The following GXYLT1 variants were observed in gnomAD, a reference collection of about 807,000 sequenced individuals.
GXYLT1 encodes the protein glycosyltransferase 8 domain containing 3.
Under a neutral mutation model 54.0 loss-of-function variants are expected in GXYLT1, and 29 were observed. That is an observed-to-expected ratio of 0.54 (90% CI 0.40 to 0.73). The LOEUF (loss-of-function observed/expected upper bound fraction) is 0.73. Ranked by LOEUF, GXYLT1 falls within the 30% of genes least tolerant of loss-of-function variation. The pLI, the probability that GXYLT1 is intolerant of heterozygous loss-of-function variation, is 0.00. For missense variants in GXYLT1, 490 were observed against 553.4 expected, an observed-to-expected ratio of 0.89 and a Z score of 1.15; for synonymous variants, 176 against 204.1, an observed-to-expected ratio of 0.86 and a Z score of 1.17.
chr12:42,101,305 A>T (rs2065388711), intron 5 of GXYLT1, among the ~76,000 whole-genome samples: 1 of 152,320 alleles, frequency 6.6e-6, no homozygotes, highest in East Asian at 1.9e-4. Context: ...AATTATAAGA[A>T]AAGATTTTTA....
chr12:42,122,266 C>A (rs965058159), intron 2 of GXYLT1, among the ~76,000 whole-genome samples: 2 of 152,126 alleles, frequency 1.3e-5, no homozygotes, highest in Non-Finnish European at 2.9e-5. Context: ...AAAAGTATGA[C>A]AGTAATGAAT....
chr12:42,144,848 C>T lies in GXYLT1; in HGVS notation c.-202G>A. ...CGCGGCTCCGGAGCCGAAGGACTAC[C>T]CGCCCGGAAGCCTGGACACCGCCTC... On this transcript the variant is annotated 5_prime_UTR_variant, in exon 1 of 8. Coordinates refer to ENST00000398675, the MANE Select transcript of GXYLT1 (RefSeq NM_173601.2). 1 of 356,934 alleles carries T rather than the reference C, an allele frequency of 2.8e-6. No individual in the cohort carries two copies. The highest frequency in any genetic ancestry group is 5.0e-6 in the Non-Finnish European group (1 of 198,270). 22.1% of individuals were successfully genotyped at this position (356,934 alleles called of 1,614,324 possible). A position where few individuals can be genotyped will look rare whatever the true frequency, so the allele number is the denominator to read the frequency against.
At chr12:42,127,028 T>C (rs981033162) in intron 2 of GXYLT1, among the ~76,000 whole-genome samples, 5 of 152,186 alleles carry the variant, frequency 3.3e-5, no homozygotes, top group African/African-American at 1.2e-4. Flanking sequence ...AATAAATTAA[T>C]TGGGAGAATA....
intron 3 of GXYLT1, among the ~76,000 whole-genome samples, chr12:42,117,345 C>T (rs1258090280): frequency 6.6e-6 from 1 of 151,730 alleles, no homozygotes; most frequent in Non-Finnish European, 1.5e-5. Context: ...AACAAAAATA[C>T]AGATACTAAA....
chr12:42,144,541 C>G lies in GXYLT1; in HGVS notation c.106G>C (p.Gly36Arg). ...LAVSLEEGTG[G>R]GGGKPQAAVA... ...GCGGCCTGCGGCTTCCCGCCACCGC[C>G]GCCCGTTCCTTCTTCCAGGGACACG... The change falls in exon 1 of 8, where the codon GGC becomes CGC. Residue 36 changes from glycine (G) to arginine (R), a missense_variant. Around this residue, in one of 2 missense-constraint regions of GXYLT1, gnomAD observed 148 missense variants for 210.7 expected, o/e 0.70. Coordinates refer to ENST00000398675, the MANE Select transcript of GXYLT1 (RefSeq NM_173601.2). The G allele has an allele frequency of 6.9e-7, 1 of 1,441,484 alleles. No individual in the cohort carries two copies. The highest frequency in any genetic ancestry group is 9.1e-7 in the Non-Finnish European group (1 of 1,095,476). The allele number at this position is 1,441,484 out of a possible 1,614,324, so 89.3% of individuals were successfully genotyped here. A position where few individuals can be genotyped will look rare whatever the true frequency, so the allele number is the denominator to read the frequency against.
Position 42,106,009 on chromosome 12 carries a change from G to T in GXYLT1, c.673C>A (p.Pro225Thr). Residue 225 changes from proline to threonine, a missense_variant, in exon 5 of 8, where the codon CCA (proline) becomes ACA (threonine). Coordinates refer to ENST00000398675, the MANE Select transcript of GXYLT1 (RefSeq NM_173601.2). ...YVDTDILFLR[P>T]VDDIWSLLKK... ...AGTAAAGACCAAATATCATCAACTGGTCGTAAAAAAAGGATATCAGTGTCG... is the reference window on the plus strand; with the variant it reads ...AGTAAAGACCAAATATCATCAACTGTTCGTAAAAAAAGGATATCAGTGTCG... The T allele has an allele frequency of 6.2e-7, 1 of 1,612,296 alleles. No individual in the cohort carries two copies. The highest frequency in any genetic ancestry group is 8.5e-7 in the Non-Finnish European group (1 of 1,178,426).
At chr12:42,096,569 C>T (rs2065356841) in intron 7 of GXYLT1, among the ~76,000 whole-genome samples, 1 of 152,072 alleles carries the variant, frequency 6.6e-6, no homozygotes, top group African/African-American at 2.4e-5. Context: ...AGCGATCTTC[C>T]TTATAGACGC....
intron 3 of GXYLT1, among the ~76,000 whole-genome samples, chr12:42,112,188 T>C (rs995334568): frequency 1.1e-4 from 16 of 151,704 alleles, no homozygotes; most frequent in Non-Finnish European, 2.2e-4. Flanking sequence ...ACCACAAAGA[T>C]GGGGAAAAAA....
chr12:42,132,763 T>TG (rs1045197509), intron 1 of GXYLT1, among the ~76,000 whole-genome samples: 5 of 151,916 alleles, frequency 3.3e-5, no homozygotes, highest in African/African-American at 9.7e-5. Context: ...AAACTGTATT[T>TG]GGGGGCAATG....
rs764488436 is a variant in GXYLT1 at position 42,082,867 on chromosome 12, T to C, written c.*4919A>G. On this transcript the variant is annotated 3_prime_UTR_variant, in exon 8 of 8. Coordinates refer to ENST00000398675, the MANE Select transcript of GXYLT1 (RefSeq NM_173601.2). ...TGCTATAGTGTGCTATGTGTGTAAATATTCAGATCCTGTATATAAACTAAT... is the reference window on the plus strand; with the variant it reads ...TGCTATAGTGTGCTATGTGTGTAAACATTCAGATCCTGTATATAAACTAAT... The C allele has an allele frequency of 6.6e-6, 1 of 152,244 alleles. No homozygotes were observed. The allele number at this position is 152,244 out of a possible 1,614,324, so 9.4% of individuals were successfully genotyped here.
intron 1 of GXYLT1, among the ~76,000 whole-genome samples, chr12:42,135,993 A>G (rs1289346897): frequency 6.6e-6 from 1 of 152,226 alleles, no homozygotes; most frequent in African/African-American, 2.4e-5. Context: ...GAAATATAAG[A>G]ACACATGCAC....
chr12:42,132,813 C>T (rs1007425726), intron 1 of GXYLT1, among the ~76,000 whole-genome samples: 6 of 151,708 alleles, frequency 4.0e-5, no homozygotes, highest in South Asian at 2.1e-4. Flanking sequence ...TGCAAGATGA[C>T]GAAGCCACAG....
At chr12:42,116,522 A>G (rs2065496331) in intron 3 of GXYLT1, among the ~76,000 whole-genome samples, 1 of 152,350 alleles carries the variant, frequency 6.6e-6, no homozygotes, top group East Asian at 1.9e-4. Flanking sequence ...AAAACACATG[A>G]AAAAATGCTC....
At chr12:42,106,667 T>C (rs953320426) in intron 4 of GXYLT1, among the ~76,000 whole-genome samples, 11 of 152,074 alleles carry the variant, frequency 7.2e-5, no homozygotes, top group Admixed American at 7.2e-4. Context: ...AGACTGGCTA[T>C]GTTGCACTTT....
At chr12:42,105,695 GATT>G (rs1258925446) in intron 5 of GXYLT1, 120 bp downstream of exon 5, 14 of 656,836 alleles carry the variant, frequency 2.1e-5, no homozygotes, top group South Asian at 6.9e-5. Flanking sequence ...CTTCTAATGA[GATT>G]ATTCTAAATA....
chr12:42,117,049 G>A (rs1939499689), intron 3 of GXYLT1, among the ~76,000 whole-genome samples: 3 of 144,924 alleles, frequency 2.1e-5, no homozygotes, highest in African/African-American at 7.7e-5. Flanking sequence ...AACACCACAT[G>A]TTCTCACTCA....
intron 7 of GXYLT1, among the ~76,000 whole-genome samples, chr12:42,090,870 ATGTTT>A (rs1332460815): frequency 6.6e-6 from 1 of 152,234 alleles, no homozygotes; most frequent in Non-Finnish European, 1.5e-5. Flanking sequence ...GAGCCATAAA[ATGTTT>A]TGTTCTGATT....
At position 42,113,228 on chromosome 12, in the gene GXYLT1, G is replaced by A. The variant is rs1297944996; in HGVS notation, c.487-3537C>T. Among the ~76,000 whole-genome samples the A allele has an allele frequency of 2.6e-5, 4 of 150,998 alleles. No homozygotes were observed. The East Asian group carries it at 7.7e-4, about 29-fold the overall frequency. On this transcript the variant is annotated intron_variant, in intron 3 of 7. Transcript: ENST00000398675. ...CTAGGAAGAAACTACATGAACTAAC[G>A]AGCAAAATAACCAGCTAACATCGTA...
At chr12:42,089,288 GAGAA>G (rs2065315470) in intron 7 of GXYLT1, among the ~76,000 whole-genome samples, 1 of 139,470 alleles carries the variant, frequency 7.2e-6, no homozygotes, top group Non-Finnish European at 1.5e-5. Context: ...ACTGAACAAT[GAGAA>G]CACATGGACA....
Sources: gnomAD v4.1 joint callset for allele counts (sites outside exome capture counted in the v4.1 genomes callset) on GRCh38, gnomAD v4.1.1 for gene constraint, gnomAD v4.1.1 regional missense constraint, MANE v1.5 for transcripts, NCBI Gene and HGNC (gene_info 2026-07-23, HGNC 2026-07-21) for gene names.